FAM227B: variants seen among roughly 807,000 people sequenced by gnomAD.
FAM227B encodes the protein protein FAM227B.
Under a neutral mutation model 73.8 loss-of-function variants are expected in FAM227B, and 88 were observed. The ratio of observed to expected loss-of-function variants is 1.19; its 90% CI spans 1.00 to 1.42. The LOEUF is 1.42. Among genes scored for constraint, FAM227B ranks in the 40% most tolerant of loss-of-function variants. The probability of loss-of-function intolerance (pLI) is 0.00; values close to 1 mark genes in which losing one functional copy is unlikely to be tolerated. For synonymous variants in FAM227B, 210 were observed against 190.5 expected, an observed-to-expected ratio of 1.10 and a Z score of -0.84; for missense variants, 632 against 590.9, an observed-to-expected ratio of 1.07 and a Z score of -0.72.
At chr15:49,368,520 T>C (rs1596623600) in intron 12 of FAM227B, among the ~76,000 whole-genome samples, 1 of 152,332 alleles carries the variant, frequency 6.6e-6, no homozygotes, top group South Asian at 2.1e-4. Context: ...ATAATGGGAC[T>C]ATCATAATCA....
chr15:49,535,800 C>T (rs2060964110), intron 10 of FAM227B, among the ~76,000 whole-genome samples: 1 of 151,736 alleles, frequency 6.6e-6, no homozygotes, highest in Admixed American at 6.6e-5. Context: ...CCAACACAAT[C>T]AGTTATGATA....
chr15:49,599,827 A>T (rs1333272995), intron 3 of FAM227B, among the ~76,000 whole-genome samples: 1 of 152,184 alleles, frequency 6.6e-6, no homozygotes, highest in Non-Finnish European at 1.5e-5. Context: ...GTGGCCCAAT[A>T]TATAATCCAT....
At chr15:49,550,965 A>G (rs1433006629) in intron 9 of FAM227B, among the ~76,000 whole-genome samples, 2 of 152,126 alleles carry the variant, frequency 1.3e-5, no homozygotes, top group Admixed American at 1.3e-4. Context: ...AGCCGAGATC[A>G]CACCACTGCA....
intron 10 of FAM227B, among the ~76,000 whole-genome samples, chr15:49,540,252 G>T (rs534249615): frequency 1.2e-4 from 18 of 152,252 alleles, no homozygotes; most frequent in African/African-American, 4.1e-4. Flanking sequence ...TAGTAGAAAA[G>T]GTTGCTAGGA....
chr15:49,354,540 G>A (rs544426413), intron 13 of FAM227B, among the ~76,000 whole-genome samples: 5 of 152,300 alleles, frequency 3.3e-5, no homozygotes, highest in South Asian at 2.1e-4. Context: ...TTTTCCGACC[G>A]GCTTAAAAAA....
chr15:49,427,805 C>T (rs1484065694), intron 11 of FAM227B, among the ~76,000 whole-genome samples: 1 of 151,810 alleles, frequency 6.6e-6, no homozygotes, highest in Non-Finnish European at 1.5e-5. Context: ...ATTCTGCTTC[C>T]ACAATGTTTT....
chr15:49,614,937 A>G, intron 2 of FAM227B, 184 bp downstream of exon 2: 1 of 631,394 alleles, frequency 1.6e-6, no homozygotes. Flanking sequence ...ACCCTATTAA[A>G]GCTTTCTTCC....
chr15:49,385,032 G>A (rs1298519685), intron 11 of FAM227B, among the ~76,000 whole-genome samples: 3 of 151,886 alleles, frequency 2.0e-5, no homozygotes, highest in Non-Finnish European at 4.4e-5. Context: ...TGCTCTTCCT[G>A]TAAAACGTGC....
rs536136818 is a variant in FAM227B, at chr15:49,568,418, A to G, written c.646-72T>C. The G allele has an allele frequency of 2.4e-4, 293 of 1,208,200 alleles. No individual in the cohort carries two copies. In the Admixed American group the frequency reaches 2.8e-3, roughly 12 times the overall value. The allele number at this position is 1,208,200 out of a possible 1,614,324, so 74.8% of individuals were successfully genotyped here. On this transcript the variant is annotated intron_variant, in intron 8 of 15. Coordinates refer to ENST00000299338, the MANE Select transcript of FAM227B (RefSeq NM_152647.3). ...GGAATTTGTTTACATGATGACAGCA[A>G]TTTCATTTATTCTCATGAGCAGATC...
intron 9 of FAM227B, among the ~76,000 whole-genome samples, chr15:49,564,556 C>A (rs998648066): frequency 2.6e-5 from 4 of 152,192 alleles, no homozygotes; most frequent in Admixed American, 2.0e-4. Flanking sequence ...CATCACAGCA[C>A]TGTTCACAAT....
chr15:49,332,913 TTC>T (rs1029971993), intron 14 of FAM227B, among the ~76,000 whole-genome samples: 5 of 152,106 alleles, frequency 3.3e-5, no homozygotes, highest in African/African-American at 1.2e-4. Flanking sequence ...CCCTCACTCA[TTC>T]TCTCTCTGCT....
intron 11 of FAM227B, among the ~76,000 whole-genome samples, chr15:49,404,851 TAGTGTC>T (rs1372897602): frequency 6.6e-6 from 1 of 151,248 alleles, no homozygotes; most frequent in Non-Finnish European, 1.5e-5. Flanking sequence ...GGTTGTTTTA[TAGTGTC>T]ACTGATCTGT....
rs139377249 is a variant in FAM227B, at chr15:49,367,574, C to T, written c.1145G>A (p.Arg382His). The stretch of plus-strand genomic sequence containing the variant: ...CTGACCTCCAAAATTGAAGAGAACA[C>T]GATTAAACTCTGGACCAGTACTACT... ...HYSSTGPEFNRVLFNFGGQSP... is the reference protein window; with the variant it reads ...HYSSTGPEFNHVLFNFGGQSP... Residue 382 changes from arginine (R) to histidine (H), a missense_variant, in exon 13 of 16, where the codon CGT (arginine) becomes CAT (histidine). By Grantham distance (29) the Arg-to-His change is conservative. Transcript: ENST00000299338. 6.4e-5 allele frequency: 103 copies of T among 1,600,198 alleles called. No individual in the cohort carries two copies. The African/African-American group carries it at 1.2e-3, about 19-fold the overall frequency.
At chr15:49,406,663 G>A (rs1482274628) in intron 11 of FAM227B, among the ~76,000 whole-genome samples, 2 of 151,938 alleles carry the variant, frequency 1.3e-5, no homozygotes, top group Non-Finnish European at 1.5e-5. Flanking sequence ...GTGGGGGAGC[G>A]GAGTGCACTT....
chr15:49,346,984 A>T (rs924273379), intron 13 of FAM227B, among the ~76,000 whole-genome samples: 1 of 152,224 alleles, frequency 6.6e-6, no homozygotes, highest in African/African-American at 2.4e-5. Flanking sequence ...ACATTTTTTA[A>T]AAGGTTATAA....
chr15:49,545,637 A>C (rs182019559), intron 9 of FAM227B, among the ~76,000 whole-genome samples: 2 of 152,156 alleles, frequency 1.3e-5, no homozygotes, highest in Admixed American at 1.3e-4. Flanking sequence ...AATGCTATGA[A>C]CTTTCCTCTT....
intron 11 of FAM227B, among the ~76,000 whole-genome samples, chr15:49,376,630 T>C (rs898859135): frequency 2.6e-5 from 4 of 152,094 alleles, no homozygotes; most frequent in African/African-American, 4.8e-5. Context: ...TATGAATTTC[T>C]ATACCATTCT....
At chr15:49,330,848 G>C (rs1158159852) in intron 15 of FAM227B, 1 of 152,198 alleles carries the variant, frequency 6.6e-6, no homozygotes, top group Non-Finnish European at 1.5e-5. Context: ...CAGCTACTCA[G>C]GAGGCTGAGG....
chr15:49,335,290 T>G, intron 14 of FAM227B, 129 bp downstream of exon 14: 1 of 610,198 alleles, frequency 1.6e-6, no homozygotes, highest in East Asian at 2.9e-5. Flanking sequence ...AAAGAATCTC[T>G]GAGTCTATAA....
Sources: gnomAD v4.1 joint callset for allele counts (sites outside exome capture counted in the v4.1 genomes callset) on GRCh38, gnomAD v4.1.1 for gene constraint, MANE v1.5 for transcripts, NCBI Gene and HGNC (gene_info 2026-07-23, HGNC 2026-07-21) for gene names.